The following CHCHD3 variants were observed in gnomAD, a reference collection of about 807,000 sequenced individuals.
CHCHD3 encodes MICOS complex subunit MIC19.
CHCHD3 carries 20 observed loss-of-function variants against 38.2 expected under a neutral mutation model. That is an observed-to-expected ratio of 0.52 (90% CI 0.37 to 0.76). CHCHD3 has a LOEUF of 0.76. Ranked by LOEUF, CHCHD3 falls within the 30% of genes least tolerant of loss-of-function variation. The pLI is 0.00. For synonymous variants in CHCHD3, 82 were observed against 100.0 expected (o/e 0.82, Z 1.07); for missense variants, 245 against 279.2 (o/e 0.88, Z 0.87).
At chr7:132,921,900 T>C (rs1441425309) in intron 4 of CHCHD3, among the ~76,000 whole-genome samples, 2 of 152,174 alleles carry the variant, frequency 1.3e-5, no homozygotes, top group Non-Finnish European at 2.9e-5. Flanking sequence ...TGAGAAATCC[T>C]TCCCTTTACG....
chr7:132,947,629 TAA>T (rs1810930436), intron 4 of CHCHD3, among the ~76,000 whole-genome samples: 2 of 152,048 alleles, frequency 1.3e-5, no homozygotes, highest in Admixed American at 6.6e-5. Context: ...TCTCTATTTT[TAA>T]AAGTTACACT....
Position 132,879,050 on chromosome 7 carries a change from A to G in CHCHD3, c.453+6612T>C, listed in dbSNP as rs577859115. Reference sequence around the variant, plus strand: ...TTTTGAAGGATGGTATACACTTAGCAGATCTTCAATATAGTAAGCACATGA... The same window carrying G: ...TTTTGAAGGATGGTATACACTTAGCGGATCTTCAATATAGTAAGCACATGA... On this transcript the variant is annotated intron_variant, in intron 5 of 7. Transcript: ENST00000262570. 4.7e-4 allele frequency among the ~76,000 whole-genome samples: 71 copies of G among 152,340 alleles called. 1 individual carries two copies. Among genetic ancestry groups the G allele is most frequent in the African/African-American group, 1.7e-3 (71 of 41,580 alleles).
intron 4 of CHCHD3, among the ~76,000 whole-genome samples, chr7:132,917,206 G>C (rs902638499): frequency 2.0e-5 from 3 of 151,828 alleles, no homozygotes; most frequent in Admixed American, 1.3e-4. Context: ...CAACCCTATG[G>C]AAAAAGATTA....
chr7:132,875,776 A>G (rs1262107169), intron 5 of CHCHD3, among the ~76,000 whole-genome samples: 1 of 152,226 alleles, frequency 6.6e-6, no homozygotes, highest in Non-Finnish European at 1.5e-5. Context: ...CAAAATTCTG[A>G]TAAGAATGAC....
intron 6 of CHCHD3, among the ~76,000 whole-genome samples, chr7:132,828,717 A>C (rs1306576114): frequency 6.6e-6 from 1 of 152,150 alleles, no homozygotes. Flanking sequence ...TCATAAGTTA[A>C]TTATCTGACT....
chr7:133,078,440 G>C (rs1815066213), intron 1 of CHCHD3, among the ~76,000 whole-genome samples: 1 of 152,202 alleles, frequency 6.6e-6, no homozygotes, highest in South Asian at 2.1e-4. Flanking sequence ...CAGAGGCTGG[G>C]GCAGGAGGAT....
At chr7:133,011,376 T>C (rs1308020751) in intron 3 of CHCHD3, among the ~76,000 whole-genome samples, 1 of 152,186 alleles carries the variant, frequency 6.6e-6, no homozygotes, top group Non-Finnish European at 1.5e-5. Flanking sequence ...AATAGCCCAA[T>C]GGAGGTGACT....
chr7:132,921,764 C>T (rs1810268731), intron 4 of CHCHD3, among the ~76,000 whole-genome samples: 2 of 152,218 alleles, frequency 1.3e-5, no homozygotes, highest in African/African-American at 4.8e-5. Flanking sequence ...AGGCAGCCTG[C>T]AAAGCCTGAA....
At chr7:132,787,437 G>A (rs1806346940) in intron 7 of CHCHD3, among the ~76,000 whole-genome samples, 1 of 152,092 alleles carries the variant, frequency 6.6e-6, no homozygotes, top group African/African-American at 2.4e-5. Context: ...TGACACCCAA[G>A]GTATGGGAGG....
intron 6 of CHCHD3, among the ~76,000 whole-genome samples, chr7:132,803,719 G>T (rs1806844528): frequency 6.6e-6 from 1 of 151,582 alleles, no homozygotes; most frequent in Non-Finnish European, 1.5e-5. Context: ...AAAGCAGAAA[G>T]ATATTAGGAA....
intron 2 of CHCHD3, among the ~76,000 whole-genome samples, chr7:133,055,290 AT>A (rs1814285570): frequency 6.8e-6 from 1 of 146,516 alleles, no homozygotes; most frequent in South Asian, 2.1e-4. Context: ...TATATTATCT[AT>A]TTAATTAGAA....
chr7:133,014,598 A>C (rs1812975970), intron 3 of CHCHD3, among the ~76,000 whole-genome samples: 1 of 152,140 alleles, frequency 6.6e-6, no homozygotes, highest in Non-Finnish European at 1.5e-5. Context: ...AACAACAGAC[A>C]CTACAAGCCA....
chr7:132,825,707 A>G (rs775498067), intron 6 of CHCHD3, among the ~76,000 whole-genome samples: 4 of 152,238 alleles, frequency 2.6e-5, no homozygotes, highest in Non-Finnish European at 5.9e-5. Context: ...TTGCAAAGTA[A>G]TGAGACTGTG....
At chr7:132,879,218 T>C (rs1405898354) in intron 5 of CHCHD3, among the ~76,000 whole-genome samples, 1 of 152,158 alleles carries the variant, frequency 6.6e-6, no homozygotes, top group Admixed American at 6.5e-5. Flanking sequence ...TACAAACATA[T>C]CTTCATATTT....
intron 3 of CHCHD3, among the ~76,000 whole-genome samples, chr7:132,984,215 G>A (rs1384972189): frequency 2.0e-5 from 3 of 151,546 alleles, no homozygotes; most frequent in African/African-American, 4.8e-5. Context: ...GGCGCACGGC[G>A]CCACGCCTGA....
At chr7:133,036,483 G>A (rs1357170543) in intron 2 of CHCHD3, among the ~76,000 whole-genome samples, 1 of 152,182 alleles carries the variant, frequency 6.6e-6, no homozygotes, top group Non-Finnish European at 1.5e-5. Flanking sequence ...TAACCACTGT[G>A]TGGGTGTTGG....
At chr7:132,908,581 T>G (rs969705316) in intron 4 of CHCHD3, among the ~76,000 whole-genome samples, 4 of 152,246 alleles carry the variant, frequency 2.6e-5, no homozygotes, top group African/African-American at 9.6e-5. Context: ...GACTCTCCTC[T>G]GATAAAGACT....
intron 3 of CHCHD3, among the ~76,000 whole-genome samples, chr7:132,983,439 A>G (rs2117349282): frequency 6.6e-6 from 1 of 152,398 alleles, no homozygotes; most frequent in East Asian, 1.9e-4. Context: ...TCATAACTGC[A>G]TAAAATTAAC....
chr7:133,041,558 C>T (rs1229725565), intron 2 of CHCHD3, among the ~76,000 whole-genome samples: 1 of 152,180 alleles, frequency 6.6e-6, no homozygotes, highest in Non-Finnish European at 1.5e-5. Flanking sequence ...AAGCGATGCT[C>T]TTGATTTATT....
Sources: gnomAD v4.1 joint callset for allele counts (sites outside exome capture counted in the v4.1 genomes callset) on GRCh38, gnomAD v4.1.1 for gene constraint, MANE v1.5 for transcripts, NCBI Gene and HGNC (gene_info 2026-07-23, HGNC 2026-07-21) for gene names.